Variants in NBPF14 observed in about 807,000 individuals in gnomAD.
The protein encoded by NBPF14 is NBPF member 14.
A neutral mutation model predicts 91.2 loss-of-function variants in NBPF14; 104 were observed. The observed-to-expected ratio is 1.14, with a 90% confidence interval of 0.97 to 1.34. NBPF14 has a LOEUF of 1.34. Ranked by LOEUF, NBPF14 falls within the 40% of genes most tolerant of loss-of-function variation. The pLI, the probability that NBPF14 is intolerant of heterozygous loss-of-function variation, is 0.00. For missense variants in NBPF14, 908 were observed against 783.0 expected (o/e 1.16, Z -1.91); for synonymous variants, 294 against 303.8 (o/e 0.97, Z 0.34).
At chr1:148,587,163 T>C in intron 8 of NBPF14, 138 bp downstream of exon 8, 1 of 705,490 alleles carries the variant, frequency 1.4e-6, no homozygotes, top group Non-Finnish European at 2.5e-6. Context: ...CTGATAAATA[T>C]TTGTGTGTAG....
rs1479265032 is a variant in NBPF14, at chr1:148,533,139, G to A, written c.8833C>T (p.His2945Tyr). ...AATGAGTAAAACACACTTCTGTAGT[G>A]CTGGAATGAGTCAGGTAGTTCAAAG... Residue 2945 changes from histidine (H) to tyrosine (Y), a missense_variant, in exon 71 of 71, where the codon CAC becomes TAC. By Grantham distance (83) the His-to-Tyr change is moderately conservative (BLOSUM62 2). Coordinates refer to ENST00000619423, the Ensembl canonical transcript of NBPF14. The A allele has an allele frequency of 3.0e-4, 235 of 779,676 alleles. 3 individuals carry two copies. The African/African-American group carries it at 6.6e-3, about 22-fold the overall frequency. The allele number at this position is 779,676 out of a possible 1,614,324, so 48.3% of individuals were successfully genotyped here.
At chr1:148,588,339 C>CATT (rs1285364282) in intron 7 of NBPF14, among the ~76,000 whole-genome samples, 36 of 132,042 alleles carry the variant, frequency 2.7e-4, no homozygotes, top group Middle Eastern at 3.7e-3. Flanking sequence ...TTTTATTTAT[C>CATT]ATTATTATTA....
At chr1:148,566,465 G>A in intron 28 of NBPF14, 150 bp from the exon 29 acceptor site, 1 of 584,682 alleles carries the variant, frequency 1.7e-6, no homozygotes, top group East Asian at 3.1e-5. Flanking sequence ...CTTCATGTTG[G>A]GACAGAACAG....
In NBPF14 at chr1:148,575,960, G is replaced by T. The variant is rs1298341319; in HGVS notation, c.2079-149C>A. Reference sequence around the variant, plus strand: ...GTAATGAATTATTGCCTTTATGTTGGGATAGACCAGGGCCAGGTAGAAAAG... The same window carrying T: ...GTAATGAATTATTGCCTTTATGTTGTGATAGACCAGGGCCAGGTAGAAAAG... On this transcript the variant is annotated intron_variant, in intron 16 of 70. Transcript: ENST00000619423. 1.8e-5 allele frequency: 10 copies of T among 546,020 alleles called. 1 individual carries two copies. Among genetic ancestry groups the T allele is most frequent in the Admixed American group, 3.2e-5 (1 of 31,228 alleles). The allele number at this position is 546,020 out of a possible 1,614,324, so 33.8% of individuals were successfully genotyped here. A position where few individuals can be genotyped will look rare whatever the true frequency, so the allele number is the denominator to read the frequency against.
intron 12 of NBPF14, among the ~76,000 whole-genome samples, chr1:148,579,908 A>T (rs1225885424): frequency 1.3e-5 from 2 of 152,170 alleles, no homozygotes; most frequent in East Asian, 1.9e-4. Flanking sequence ...ATCAACATCA[A>T]CAAAAAAGAC....
Position 148,592,719 on chromosome 1 carries a change from A to G in NBPF14, c.326T>C (p.Leu109Pro), listed in dbSNP as rs1191227445. Residue 109 changes from leucine to proline, a missense_variant, in exon 4 of 71, where the codon CTA becomes CCA. This residue lies in a region of NBPF14 where 61 missense variants were observed against 56.4 expected (regional missense o/e 1.08). Coordinates refer to ENST00000619423, the Ensembl canonical transcript of NBPF14. Reference sequence around the variant, plus strand: ...TCTCCCTTCCCGTAACTTCTCCCTTAGCTGGGTCAGCTCTCGTTCCTGAGA... The same window carrying G: ...TCTCCCTTCCCGTAACTTCTCCCTTGGCTGGGTCAGCTCTCGTTCCTGAGA... 2.5e-6 allele frequency: 4 copies of G among 1,586,630 alleles called. 1 individual carries two copies. Among genetic ancestry groups the G allele is most frequent in the Non-Finnish European group, 3.4e-6 (4 of 1,160,096 alleles).
intron 8 of NBPF14, 119 bp downstream of exon 8, chr1:148,587,182 C>G (rs1395574362): frequency 2.4e-6 from 2 of 825,050 alleles, no homozygotes; most frequent in South Asian, 2.8e-5. Flanking sequence ...AGCGAGCCTG[C>G]CATGGCAATT....
At chr1:148,593,546 T>C (rs1189546782) in intron 3 of NBPF14, 52 bp downstream of exon 3, 15 of 1,429,674 alleles carry the variant, frequency 1.0e-5, no homozygotes, top group Non-Finnish European at 1.4e-5. Flanking sequence ...GCTGCTGTAC[T>C]TCAGAGATCT....
At chr1:148,560,469 T>C (rs2149506923) in intron 36 of NBPF14, 115 bp downstream of exon 36, 1 of 310,664 alleles carries the variant, frequency 3.2e-6, no homozygotes, top group Non-Finnish European at 5.4e-6. Flanking sequence ...GCAATGACAG[T>C]AGGAGTAATT....
Position 148,534,818 on chromosome 1 carries a change from A to T in NBPF14, c.8480T>A (p.Val2827Asp), listed in dbSNP as rs1174383288. 71 of 1,130,164 alleles carry T rather than the reference A, an allele frequency of 6.3e-5. 9 individuals are homozygous for T. The African/African-American group carries it at 1.1e-3, about 17-fold the overall frequency. The allele number at this position is 1,130,164 out of a possible 1,614,324, so 70.0% of individuals were successfully genotyped here. ...ACATCTATCCAGTGAGTCCTGCAAGACTTCAGGATCTTTCTCATCCAGCAG... is the reference window on the plus strand; with the variant it reads ...ACATCTATCCAGTGAGTCCTGCAAGTCTTCAGGATCTTTCTCATCCAGCAG... The change falls in exon 69 of 71, where the codon GTC becomes GAC. Residue 2827 changes from valine to aspartate, a missense_variant. Val to Asp is a radical substitution (Grantham distance 152, BLOSUM62 -3). Around this residue, in one of 13 missense-constraint regions of NBPF14, gnomAD observed 279 missense variants for 107.7 expected, o/e 2.59. Coordinates refer to ENST00000619423, the Ensembl canonical transcript of NBPF14.
At chr1:148,532,353 C>T (rs1328283805) in exon 71 of NBPF14, 2 of 161,582 alleles carry the variant, frequency 1.2e-5, no homozygotes, top group African/African-American at 4.8e-5. Flanking sequence ...CTCCTGACCT[C>T]TACAGGATGG....
chr1:148,539,240 T>C (rs1328212667), intron 63 of NBPF14, among the ~76,000 whole-genome samples, 170 bp downstream of exon 63: 1 of 110,480 alleles, frequency 9.1e-6, no homozygotes, highest in African/African-American at 4.5e-5. Context: ...ACCCATTTCA[T>C]GTCTAGGCTT....
At chr1:148,590,230 T>G (rs1447507793) in intron 6 of NBPF14, among the ~76,000 whole-genome samples, 2 of 139,830 alleles carry the variant, frequency 1.4e-5, no homozygotes, top group African/African-American at 5.2e-5. Context: ...TTTTTTTTTT[T>G]GTATTTTTAG....
chr1:148,533,797 TC>T, intron 70 of NBPF14, 63 bp downstream of exon 70: 1 of 765,602 alleles, frequency 1.3e-6, no homozygotes, highest in Non-Finnish European at 2.4e-6. Context: ...CACTCTGGTT[TC>T]CCTGAATCTG....
intron 5 of NBPF14, among the ~76,000 whole-genome samples, 155 bp downstream of exon 5, chr1:148,591,277 G>C (rs1310161973): frequency 1.0e-4 from 15 of 148,816 alleles, no homozygotes; most frequent in Admixed American, 1.0e-3. Context: ...AAACACGACA[G>C]CTGCCGCACC....
At chr1:148,534,110 C>A (rs1171690647) in intron 69 of NBPF14, 141 bp from the exon 70 acceptor site, 20 of 572,814 alleles carry the variant, frequency 3.5e-5, no homozygotes, top group African/African-American at 2.0e-4. Flanking sequence ...TTCAGGAGGC[C>A]TGAAGGCTGG....
In NBPF14 at chr1:148,593,668, T is replaced by G; in HGVS notation, c.208A>C (p.Met70Leu). The G allele has an allele frequency of 4.5e-6, 7 of 1,544,632 alleles. No homozygotes were observed. The South Asian group carries it at 7.8e-5, about 17-fold the overall frequency. The change falls in exon 3 of 71, where the codon ATG (methionine) becomes CTG (leucine). Residue 70 changes from methionine to leucine, a missense_variant. Transcript: ENST00000619423. ...TTGAACTGTCGCTCATTCCTCAGCA[T>G]AAATTTTATGAGGTCTTTACACTCT...
Position 148,574,049 on chromosome 1 carries a change from T to A in NBPF14, c.2476+4A>T. The A allele has an allele frequency of 1.0e-5, 1 of 97,758 alleles. No individual in the cohort carries two copies. Among genetic ancestry groups the A allele is most frequent in the South Asian group, 5.4e-5 (1 of 18,488 alleles). 6.1% of individuals were successfully genotyped at this position (97,758 alleles called of 1,614,324 possible). A position where few individuals can be genotyped will look rare whatever the true frequency, so the allele number is the denominator to read the frequency against. On this transcript the variant is annotated splice_donor_region_variant and intron_variant, in intron 19 of 70. Transcript: ENST00000619423. ...CCTCATCACCTTCATAGAAAGGTACTCACCTCCCACGTCAAGAGAAAAGCC... is the reference window on the plus strand; with the variant it reads ...CCTCATCACCTTCATAGAAAGGTACACACCTCCCACGTCAAGAGAAAAGCC...
intron 9 of NBPF14, 144 bp from the exon 10 acceptor site, chr1:148,585,357 G>A: frequency 3.1e-6 from 2 of 640,158 alleles, no homozygotes; most frequent in Non-Finnish European, 5.6e-6. Context: ...TTAACAGAAT[G>A]CCCTGCCATG....
Sources: gnomAD v4.1 joint callset for allele counts (sites outside exome capture counted in the v4.1 genomes callset) on GRCh38, gnomAD v4.1.1 for gene constraint, gnomAD v4.1.1 regional missense constraint, MANE v1.5 for transcripts, NCBI Gene and HGNC (gene_info 2026-07-23, HGNC 2026-07-21) for gene names.